Variants in FGD4 observed in about 807,000 individuals in gnomAD.
FGD4 encodes the protein FYVE, RhoGEF and PH domain containing 4, also known as FYVE, RhoGEF and PH domain-containing protein 4.
Under a neutral mutation model 102.0 loss-of-function variants are expected in FGD4, and 42 were observed. The observed-to-expected ratio is 0.41, with a 90% CI of 0.32 to 0.53. FGD4 has a LOEUF of 0.53. Ranked by LOEUF, FGD4 falls within the 20% of genes least tolerant of loss-of-function variation. The pLI is 0.21. For synonymous variants in FGD4, 380 were observed against 375.7 expected (o/e 1.01, Z -0.13); for missense variants, 902 against 1,078.2 (o/e 0.84, Z 2.29).
chr12:32,578,216 T>C (rs1469415775), intron 3 of FGD4, among the ~76,000 whole-genome samples: 2 of 152,130 alleles, frequency 1.3e-5, no homozygotes, highest in Admixed American at 1.3e-4. Context: ...AGAAATATTA[T>C]TTGTGGTAGA....
chr12:32,633,758 CA>C, intron 15 of FGD4, 69 bp downstream of exon 15: 2 of 1,421,422 alleles, frequency 1.4e-6, no homozygotes, highest in Non-Finnish European at 1.9e-6. Context: ...CTCTGTCACC[CA>C]GGCTGAGGTG....
At chr12:32,548,307 T>C (rs1943389591) in intron 1 of FGD4, among the ~76,000 whole-genome samples, 1 of 152,190 alleles carries the variant, frequency 6.6e-6, no homozygotes, top group Admixed American at 6.5e-5. Context: ...TGTCCGATCT[T>C]AGAGTTTAAA....
intron 1 of FGD4, among the ~76,000 whole-genome samples, chr12:32,438,333 G>C (rs1347737390): frequency 6.6e-6 from 1 of 152,176 alleles, no homozygotes; most frequent in Admixed American, 6.5e-5. Flanking sequence ...TAACTCCTAA[G>C]ACATCAGCTG....
chr12:32,468,872 G>GC (rs1943339836), intron 1 of FGD4, among the ~76,000 whole-genome samples: 1 of 152,086 alleles, frequency 6.6e-6, no homozygotes, highest in African/African-American at 2.4e-5. Context: ...TGTCACCCAG[G>GC]CTGGAGTGCA....
At chr12:32,519,153 C>T (rs556080940) in intron 1 of FGD4, among the ~76,000 whole-genome samples, 98 of 149,460 alleles carry the variant, frequency 6.6e-4, no homozygotes, top group Non-Finnish European at 9.0e-4. Context: ...GCCTCCCCAC[C>T]GCCGCCCCCA....
At chr12:32,417,197 C>T (rs1031143576) in intron 1 of FGD4, among the ~76,000 whole-genome samples, 1 of 152,060 alleles carries the variant, frequency 6.6e-6, no homozygotes, top group African/African-American at 2.4e-5. Flanking sequence ...CCTGGCCTAA[C>T]GTCCTTTTCT....
rs11396808 is a variant in FGD4, at chr12:32,405,261, G to GTTTT, written c.166+5318_166+5321dup. ...AGAACAGTTTAAAGAGCAGTCAGTG[G>GTTTT]TTTTTTTTTTTTTTTTTTTAGAAGG... On this transcript the variant is annotated intron_variant, in intron 1 of 16. Transcript: ENST00000534526. 2.8e-3 allele frequency among the ~76,000 whole-genome samples: 307 copies of GTTTT among 108,722 alleles called. 8 individuals carry two copies. The highest frequency in any genetic ancestry group is 5.9e-3 in the African/African-American group (156 of 26,284). 71.3% of individuals were successfully genotyped at this position (108,722 alleles called of 152,430 possible).
rs576978257 is a variant in FGD4, at chr12:32,630,225, T to C, written c.2173-3324T>C. Among the ~76,000 whole-genome samples the C allele has an allele frequency of 5.9e-5, 9 of 152,354 alleles. No individual in the cohort carries two copies. The South Asian group carries it at 6.2e-4, about 11-fold the overall frequency. ...GAAGCAAAGCATTACAATTATTTGC[T>C]GTATTTTTGTCCAGGATCCAGTCGT... On this transcript the variant is annotated intron_variant, in intron 14 of 16. Coordinates refer to ENST00000534526, the MANE Select transcript of FGD4 (RefSeq NM_001370298.3).
intron 14 of FGD4, among the ~76,000 whole-genome samples, chr12:32,631,344 G>C (rs1950488102): frequency 1.3e-5 from 2 of 152,164 alleles, no homozygotes; most frequent in African/African-American, 2.4e-5. Flanking sequence ...ACAGAAAACA[G>C]TAGGTGTTCC....
intron 1 of FGD4, among the ~76,000 whole-genome samples, chr12:32,458,768 A>T (rs961765048): frequency 1.3e-5 from 2 of 152,196 alleles, no homozygotes; most frequent in African/African-American, 4.8e-5. Flanking sequence ...TCTGTGGCTT[A>T]TAACTTTACA....
chr12:32,438,846 GA>G, intron 1 of FGD4, among the ~76,000 whole-genome samples: 1 of 152,150 alleles, frequency 6.6e-6, no homozygotes, highest in Non-Finnish European at 1.5e-5. Flanking sequence ...CTGACCTCGT[GA>G]TCCGCCTGCC....
At chr12:32,445,099 A>T (rs1942573427) in intron 1 of FGD4, among the ~76,000 whole-genome samples, 1 of 152,164 alleles carries the variant, frequency 6.6e-6, no homozygotes, top group African/African-American at 2.4e-5. Context: ...CCGTGAAAGA[A>T]TGTGAGACAA....
chr12:32,585,534 T>G (rs1006477947), intron 4 of FGD4, among the ~76,000 whole-genome samples: 4 of 151,580 alleles, frequency 2.6e-5, no homozygotes, highest in African/African-American at 9.7e-5. Flanking sequence ...CAGTAAGTGC[T>G]TTGGAAATAC....
intron 1 of FGD4, among the ~76,000 whole-genome samples, chr12:32,464,038 T>C (rs1445280799): frequency 6.6e-6 from 1 of 152,224 alleles, no homozygotes; most frequent in Non-Finnish European, 1.5e-5. Flanking sequence ...AAATATTCTT[T>C]AAAATTCTGA....
chr12:32,495,029 T>A (rs752855732), intron 1 of FGD4, among the ~76,000 whole-genome samples: 5 of 152,208 alleles, frequency 3.3e-5, no homozygotes, highest in Admixed American at 6.5e-5. Context: ...GTCAATTGTT[T>A]GTCATTCTGT....
chr12:32,519,454 G>T (rs1022029569), intron 1 of FGD4, among the ~76,000 whole-genome samples: 1 of 152,002 alleles, frequency 6.6e-6, no homozygotes, highest in African/African-American at 2.4e-5. Flanking sequence ...ACTTATTTCT[G>T]CAAGTACACT....
chr12:32,570,386 G>C (rs1945562190), intron 2 of FGD4, among the ~76,000 whole-genome samples: 1 of 151,634 alleles, frequency 6.6e-6, no homozygotes, highest in South Asian at 2.1e-4. Context: ...TATATCCTTT[G>C]GACTGTTAGG....
chr12:32,640,244 C>A (rs1951089663), intron 16 of FGD4, 32 bp from the exon 17 acceptor site: 1 of 1,614,126 alleles, frequency 6.2e-7, no homozygotes, highest in African/African-American at 1.3e-5. Context: ...GAATACATCA[C>A]CTGCTTTTAA....
intron 1 of FGD4, among the ~76,000 whole-genome samples, chr12:32,509,708 C>T (rs1305759043): frequency 6.6e-6 from 1 of 152,156 alleles, no homozygotes; most frequent in Non-Finnish European, 1.5e-5. Flanking sequence ...ATAGAAACAA[C>T]ACAAAGGTGT....
Sources: allele counts gnomAD v4.1 joint callset (sites outside exome capture counted in the v4.1 genomes callset), GRCh38; gene constraint gnomAD v4.1.1; transcripts MANE v1.5; gene names NCBI Gene and HGNC (gene_info 2026-07-23, HGNC 2026-07-21).